The following PPME1 variants were observed in gnomAD, a reference collection of about 807,000 sequenced individuals.
PPME1 encodes the protein testicular secretory protein Li 39.
PPME1 carries 17 observed loss-of-function variants against 56.9 expected under a neutral mutation model. That is an observed-to-expected ratio of 0.30 (90% CI 0.20 to 0.45). The LOEUF (loss-of-function observed/expected upper bound fraction) is 0.45, where lower values mean the gene tolerates loss of function less well. PPME1 is among the 20% of genes least tolerant of loss of function. The pLI, the probability that PPME1 is intolerant of heterozygous loss-of-function variation, is 1.00. For synonymous variants in PPME1, 122 were observed against 156.2 expected, an observed-to-expected ratio of 0.78 and a Z score of 1.63; for missense variants, 357 against 483.2, an observed-to-expected ratio of 0.74 and a Z score of 2.45.
chr11:74,237,913 C>A (rs894360247), intron 8 of PPME1: 1 of 152,158 alleles, frequency 6.6e-6, no homozygotes, highest in African/African-American at 2.4e-5. Flanking sequence ...ATTTTGAGAC[C>A]TCAAATTTGT....
chr11:74,217,075 T>A (rs1375625853), intron 3 of PPME1, among the ~76,000 whole-genome samples: 3 of 152,068 alleles, frequency 2.0e-5, no homozygotes, highest in Non-Finnish European at 2.9e-5. Flanking sequence ...CTCAAACTAT[T>A]CTGAAAAATA....
chr11:74,241,839 T>C (rs1451657917), intron 9 of PPME1, among the ~76,000 whole-genome samples: 1 of 152,194 alleles, frequency 6.6e-6, no homozygotes, highest in African/African-American at 2.4e-5. Flanking sequence ...CTTGGGTTAT[T>C]TGATTTTATT....
At chr11:74,178,501 GA>G (rs1198004859) in intron 1 of PPME1, among the ~76,000 whole-genome samples, 1 of 152,240 alleles carries the variant, frequency 6.6e-6, no homozygotes, top group Admixed American at 6.5e-5. Flanking sequence ...TGTTAGGGAA[GA>G]GAGAGTGGGA....
chr11:74,236,193 T>A (rs1258840208), intron 8 of PPME1, among the ~76,000 whole-genome samples: 1 of 152,204 alleles, frequency 6.6e-6, no homozygotes, highest in Non-Finnish European at 1.5e-5. Context: ...CCTCATTTAA[T>A]ACTGGATTAC....
At chr11:74,221,772 T>G (rs1351801909) in intron 3 of PPME1, among the ~76,000 whole-genome samples, 1 of 152,198 alleles carries the variant, frequency 6.6e-6, no homozygotes, top group Non-Finnish European at 1.5e-5. Context: ...CATGATATTA[T>G]GATTTTTTTC....
chr11:74,235,786 T>A lies in PPME1; in HGVS notation c.645-115T>A, dbSNP rs114081743. ...CAATCTCTATAGTAAGAAACACTGGTGATCACTACTTTTTATTAGGTCTCA... is the reference window on the plus strand; with the variant it reads ...CAATCTCTATAGTAAGAAACACTGGAGATCACTACTTTTTATTAGGTCTCA... On this transcript the variant is annotated intron_variant, in intron 7 of 13. Transcript: ENST00000328257. 638 of 1,485,316 alleles carry A rather than the reference T, an allele frequency of 4.3e-4. 3 individuals are homozygous for A. In the African/African-American group the frequency reaches 7.3e-3, roughly 17 times the overall value. The allele number at this position is 1,485,316 out of a possible 1,614,324, so 92.0% of individuals were successfully genotyped here. A position where few individuals can be genotyped will look rare whatever the true frequency, so the allele number is the denominator to read the frequency against.
intron 7 of PPME1, among the ~76,000 whole-genome samples, chr11:74,231,802 A>G (rs1333896969): frequency 6.6e-6 from 1 of 152,200 alleles, no homozygotes; most frequent in Non-Finnish European, 1.5e-5. Flanking sequence ...ATTCCCTCAA[A>G]TTTATTTGGA....
intron 1 of PPME1, among the ~76,000 whole-genome samples, chr11:74,189,445 G>A (rs562878430): frequency 5.7e-4 from 87 of 151,978 alleles, no homozygotes; most frequent in Non-Finnish European, 1.1e-3. Flanking sequence ...GTGCACCACC[G>A]TGCCCCCTAA....
intron 13 of PPME1, chr11:74,252,635 G>T: frequency 2.3e-6 from 1 of 426,682 alleles, no homozygotes; most frequent in South Asian, 1.7e-5. Context: ...GTGCATTGTA[G>T]GATGCTTAGC....
chr11:74,225,081 C>T (rs1858899974), intron 4 of PPME1, 124 bp from the exon 5 acceptor site: 1 of 609,352 alleles, frequency 1.6e-6, no homozygotes, highest in Non-Finnish European at 2.7e-6. Context: ...CCTTGCTAAA[C>T]TCATTGTGTA....
chr11:74,192,441 A>T (rs1857864639), intron 1 of PPME1, among the ~76,000 whole-genome samples: 1 of 151,990 alleles, frequency 6.6e-6, no homozygotes, highest in Admixed American at 6.6e-5. Context: ...AGGACTTTGG[A>T]CTTGATGCTG....
chr11:74,199,575 A>G (rs1436003632), intron 1 of PPME1, among the ~76,000 whole-genome samples: 1 of 152,172 alleles, frequency 6.6e-6, no homozygotes, highest in East Asian at 1.9e-4. Context: ...CCAGGGCTCA[A>G]GTGATCATCC....
rs1297252554 is a variant in PPME1, at chr11:74,176,026, TTTC to T, written c.101+4507_101+4509del. 7.2e-5 allele frequency among the ~76,000 whole-genome samples: 11 copies of T among 152,226 alleles called. No individual in the cohort carries two copies. The East Asian group carries it at 2.1e-3, about 29-fold the overall frequency. ...AGTCATTTAACTTCTCATAGTCTATTTTCTTATCTCTAAAATGAGAATACTTCT... is the reference window on the plus strand; with the variant it reads ...AGTCATTTAACTTCTCATAGTCTATTTTATCTCTAAAATGAGAATACTTCT... On this transcript the variant is annotated intron_variant, in intron 1 of 13. Coordinates refer to ENST00000328257, the MANE Select transcript of PPME1 (RefSeq NM_016147.3).
At chr11:74,203,190 T>C (rs1254318078) in intron 1 of PPME1, among the ~76,000 whole-genome samples, 1 of 152,190 alleles carries the variant, frequency 6.6e-6, no homozygotes, top group East Asian at 1.9e-4. Flanking sequence ...TTCCTGTAAG[T>C]TGAAGGTATT....
chr11:74,199,127 C>G (rs116660625), intron 1 of PPME1, among the ~76,000 whole-genome samples: 1 of 152,110 alleles, frequency 6.6e-6, no homozygotes, highest in African/African-American at 2.4e-5. Context: ...TGTCTTATCC[C>G]TCTCTCCATC....
rs114978987 is a variant in PPME1, at chr11:74,197,178, T to C, written c.102-6550T>C. The stretch of plus-strand genomic sequence containing the variant: ...TCCCATTCGCTTTTACTAGAAAGTT[T>C]ATAAGGATTAAGTAAGGATTATTAG... On this transcript the variant is annotated intron_variant, in intron 1 of 13. Coordinates refer to ENST00000328257, the MANE Select transcript of PPME1 (RefSeq NM_016147.3). Among the ~76,000 whole-genome samples, 594 of 152,354 alleles carry C rather than the reference T, an allele frequency of 3.9e-3. 5 individuals are homozygous for C. Among genetic ancestry groups the C allele is most frequent in the African/African-American group, 0.014 (565 of 41,584 alleles).
chr11:74,243,574 A>C (rs1258948495), intron 9 of PPME1: 1 of 152,120 alleles, frequency 6.6e-6, no homozygotes, highest in Non-Finnish European at 1.5e-5. Flanking sequence ...TATCCCTGGT[A>C]AATATTAACA....
chr11:74,244,892 C>T (rs868398046), intron 9 of PPME1, among the ~76,000 whole-genome samples: 1 of 152,128 alleles, frequency 6.6e-6, no homozygotes, highest in East Asian at 1.9e-4. Context: ...TGGGATAAGG[C>T]CCCAGCTTCA....
chr11:74,238,954 A>G (rs1197871218), intron 8 of PPME1, 179 bp from the exon 9 acceptor site: 1 of 588,084 alleles, frequency 1.7e-6, no homozygotes. Context: ...CTTGGAGAAT[A>G]GTTATACATT....
Sources: gnomAD v4.1 joint callset for allele counts (sites outside exome capture counted in the v4.1 genomes callset) on GRCh38, gnomAD v4.1.1 for gene constraint, MANE v1.5 for transcripts, NCBI Gene and HGNC (gene_info 2026-07-23, HGNC 2026-07-21) for gene names.